ADGRL3: variants seen among roughly 807,000 people sequenced by gnomAD.
ADGRL3 encodes the protein adhesion G protein-coupled receptor L3, also known as calcium-independent alpha-latrotoxin receptor 3.
A neutral mutation model predicts 153.5 loss-of-function variants in ADGRL3; 62 were observed. That is an observed-to-expected ratio of 0.40 (90% confidence interval 0.33 to 0.50). The LOEUF (loss-of-function observed/expected upper bound fraction) is 0.50. ADGRL3 is among the 20% of genes least tolerant of loss of function. ADGRL3 has a pLI of 0.47. For missense variants in ADGRL3, 1,641 were observed against 1,859.4 expected (o/e 0.88, Z 2.16); for synonymous variants, 710 against 672.5 (o/e 1.06, Z -0.86).
chr4:61,234,252 A>G (rs1386534298), intron 1 of ADGRL3, among the ~76,000 whole-genome samples: 1 of 152,166 alleles, frequency 6.6e-6, no homozygotes, highest in Non-Finnish European at 1.5e-5. Flanking sequence ...TCATGGCGGG[A>G]GGCAAAAGGC....
intron 2 of ADGRL3, among the ~76,000 whole-genome samples, chr4:61,460,840 G>C (rs1342646393): frequency 6.6e-6 from 1 of 152,000 alleles, no homozygotes; most frequent in Non-Finnish European, 1.5e-5. Context: ...AGGCCGAGGT[G>C]GGCAGATCAC....
chr4:61,730,004 G>A (rs1440103045), intron 6 of ADGRL3, among the ~76,000 whole-genome samples: 3 of 151,882 alleles, frequency 2.0e-5, no homozygotes, highest in Non-Finnish European at 2.9e-5. Flanking sequence ...ACTAATGAGC[G>A]GGAGGGAGAA....
intron 5 of ADGRL3, among the ~76,000 whole-genome samples, chr4:61,637,821 T>C (rs1479786014): frequency 6.6e-6 from 1 of 152,082 alleles, no homozygotes; most frequent in Non-Finnish European, 1.5e-5. Context: ...AGTAGAGTTA[T>C]CTGTTTCCAA....
rs1276853613 is a variant in ADGRL3, at chr4:61,466,655, GACGTACCATGTATGGTGCAAAGT to G, written c.-173-30464_-173-30442del. ...CTGTTTTGTTCCTGCTCTGTTTTAA[GACGTACCATGTATGGTGCAAAGT>G]AGGCACTCAATAAATATTTGTTGAA... On this transcript the variant is annotated intron_variant, in intron 2 of 26. Transcript: ENST00000683033. 2.6e-5 allele frequency among the ~76,000 whole-genome samples: 4 copies of G among 152,130 alleles called. No homozygotes were observed. In the East Asian group the frequency reaches 7.7e-4, roughly 29 times the overall value.
At chr4:62,002,946 T>C (rs28533947) in intron 21 of ADGRL3, among the ~76,000 whole-genome samples, 3,416 of 152,258 alleles carry the variant, frequency 0.022, 134 homozygotes, top group African/African-American at 0.079. Flanking sequence ...TAAGGAGCCT[T>C]TAGAACTCTC....
chr4:61,749,227 T>C (rs2096717840), intron 8 of ADGRL3, among the ~76,000 whole-genome samples: 1 of 151,832 alleles, frequency 6.6e-6, no homozygotes, highest in Non-Finnish European at 1.5e-5. Context: ...CTGGAGAGGA[T>C]GTGGAGAAAT....
intron 26 of ADGRL3, 108 bp from the exon 27 acceptor site, chr4:62,070,001 C>A: frequency 1.1e-6 from 1 of 872,890 alleles, no homozygotes; most frequent in South Asian, 1.7e-5. Context: ...TAAATGCTAG[C>A]AATTTATACA....
At chr4:61,961,394 A>G (rs1051796523) in intron 17 of ADGRL3, among the ~76,000 whole-genome samples, 9 of 152,172 alleles carry the variant, frequency 5.9e-5, no homozygotes, top group African/African-American at 2.2e-4. Context: ...GAATGAGTAT[A>G]ATGGGAGAAT....
At chr4:62,058,454 C>T (rs759944393) in intron 25 of ADGRL3, among the ~76,000 whole-genome samples, 4 of 152,104 alleles carry the variant, frequency 2.6e-5, no homozygotes, top group Non-Finnish European at 5.9e-5. Context: ...ATCAATTTCA[C>T]GTACATTTTT....
chr4:61,654,159 A>G (rs1308085186), intron 5 of ADGRL3, among the ~76,000 whole-genome samples: 1 of 152,170 alleles, frequency 6.6e-6, no homozygotes, highest in Non-Finnish European at 1.5e-5. Context: ...TTCTCATATT[A>G]TGTACCTACT....
intron 15 of ADGRL3, among the ~76,000 whole-genome samples, chr4:61,936,815 G>C (rs201838667): frequency 8.4e-4 from 40 of 47,686 alleles, no homozygotes; most frequent in East Asian, 6.8e-3. Context: ...CACACACACA[G>C]AGATATATTT....
intron 9 of ADGRL3, among the ~76,000 whole-genome samples, chr4:61,876,288 GT>G (rs1008381525): frequency 1.1e-3 from 15 of 13,450 alleles, no homozygotes; most frequent in Admixed American, 3.7e-3. Flanking sequence ...ATCCAATTTT[GT>G]TTTTTTTTTT....
intron 6 of ADGRL3, among the ~76,000 whole-genome samples, chr4:61,718,570 A>G (rs892405802): frequency 6.6e-6 from 1 of 152,206 alleles, no homozygotes; most frequent in Non-Finnish European, 1.5e-5. Flanking sequence ...TAAGATTTAT[A>G]TAGTACTTAC....
chr4:61,585,087 ACT>A (rs1336240769), intron 4 of ADGRL3, among the ~76,000 whole-genome samples: 3 of 151,954 alleles, frequency 2.0e-5, no homozygotes, highest in Admixed American at 6.6e-5. Context: ...AATTGTGCTA[ACT>A]CTCTTCAATC....
intron 5 of ADGRL3, among the ~76,000 whole-genome samples, chr4:61,672,767 T>C (rs2095051530): frequency 6.6e-6 from 1 of 151,994 alleles, no homozygotes; most frequent in South Asian, 2.1e-4. Flanking sequence ...AGTATGTAGG[T>C]ACTTCAAAAA....
At chr4:61,904,709 A>G (rs1021931886) in intron 11 of ADGRL3, among the ~76,000 whole-genome samples, 2 of 152,176 alleles carry the variant, frequency 1.3e-5, no homozygotes, top group African/African-American at 4.8e-5. Context: ...TACAATATGA[A>G]AATACCAGTA....
At chr4:61,357,444 G>A (rs2096196547) in intron 1 of ADGRL3, among the ~76,000 whole-genome samples, 1 of 152,022 alleles carries the variant, frequency 6.6e-6, no homozygotes, top group Non-Finnish European at 1.5e-5. Context: ...AGGAAAATAG[G>A]AAATTTGTTC....
intron 8 of ADGRL3, among the ~76,000 whole-genome samples, chr4:61,795,903 C>T (rs899536287): frequency 1.3e-5 from 2 of 152,146 alleles, no homozygotes; most frequent in Non-Finnish European, 2.9e-5. Context: ...AGTGCAGTGG[C>T]ACGATCTCAG....
intron 2 of ADGRL3, among the ~76,000 whole-genome samples, chr4:61,488,589 C>G (rs893527213): frequency 1.3e-5 from 2 of 151,898 alleles, no homozygotes; most frequent in Non-Finnish European, 2.9e-5. Context: ...CTCCCTACTC[C>G]CAATTTGATT....
Sources: gnomAD v4.1 joint callset for allele counts (sites outside exome capture counted in the v4.1 genomes callset) on GRCh38, gnomAD v4.1.1 for gene constraint, MANE v1.5 for transcripts, NCBI Gene and HGNC (gene_info 2026-07-23, HGNC 2026-07-21) for gene names.